The following RTEL1 variants were observed in gnomAD, a reference collection of about 807,000 sequenced individuals.
RTEL1 encodes the protein regulator of telomere length.
In RTEL1, 86 loss-of-function variants were observed where a neutral mutation model predicts 162.2. That is an observed-to-expected ratio of 0.53 (90% CI 0.45 to 0.63). The LOEUF (loss-of-function observed/expected upper bound fraction) is 0.63. Ranked by LOEUF, RTEL1 falls within the 30% of genes least tolerant of loss-of-function variation. The pLI is 0.00. For synonymous variants in RTEL1, 958 were observed against 717.9 expected, an observed-to-expected ratio of 1.33 and a Z score of -5.35; for missense variants, 1,941 against 1,750.2, an observed-to-expected ratio of 1.11 and a Z score of -1.95.
chr20:63,692,789 G>T lies in RTEL1; in HGVS notation c.2653-16G>T, dbSNP rs1197204298. 2 of 1,606,288 alleles carry T rather than the reference G, an allele frequency of 1.2e-6. No homozygotes were observed. Among genetic ancestry groups the T allele is most frequent in the Non-Finnish European group, 1.7e-6 (2 of 1,175,298 alleles). ...TGAGGCTGGCCCTGATGGAGCCTCGGGCCTGTGTCCTGCAGGAGGAGCCCG... is the reference window on the plus strand; with the variant it reads ...TGAGGCTGGCCCTGATGGAGCCTCGTGCCTGTGTCCTGCAGGAGGAGCCCG... On this transcript the variant is annotated splice_polypyrimidine_tract_variant and intron_variant, in intron 28 of 34. Coordinates refer to ENST00000360203, the MANE Select transcript of RTEL1 (RefSeq NM_001283009.2).
At chr20:63,662,949 A>G (rs2090050701) in intron 6 of RTEL1, 60 bp downstream of exon 6, 3 of 1,513,532 alleles carry the variant, frequency 2.0e-6, no homozygotes, top group Admixed American at 1.7e-5. Flanking sequence ...CTCAGGGTGG[A>G]GCTCAGTGGT....
In RTEL1 at chr20:63,685,602, G is replaced by A; in HGVS notation, c.1266+5G>A. The A allele has an allele frequency of 6.2e-7, 1 of 1,609,868 alleles. No homozygotes were observed. ...GGGGCCTTACAGTCCTATAAGGTAG[G>A]GGCCACCTCCAGGAGGCAGGTGGAG... On this transcript the variant is annotated splice_donor_5th_base_variant and intron_variant, in intron 15 of 34. Transcript: ENST00000360203.
rs1337883716 is a variant in RTEL1 at position 63,661,993 on chromosome 20, T to C, written c.395+50T>C. Reference sequence around the variant, plus strand: ...TCTCGGGGTCCTCAAGAGAACCAGCTTGGCATGGTGCTGAGTCCACAGCCC... The same window carrying C: ...TCTCGGGGTCCTCAAGAGAACCAGCCTGGCATGGTGCTGAGTCCACAGCCC... On this transcript the variant is annotated intron_variant, in intron 4 of 34. Coordinates refer to ENST00000360203, the MANE Select transcript of RTEL1 (RefSeq NM_001283009.2). This position sits in a 1 kb window ranked among gnomAD's most constrained non-coding sequence, Gnocchi z 5.1. 2.9e-6 allele frequency: 4 copies of C among 1,393,878 alleles called. No homozygotes were observed. The highest frequency in any genetic ancestry group is 4.1e-6 in the Non-Finnish European group (4 of 980,262). 86.3% of individuals were successfully genotyped at this position (1,393,878 alleles called of 1,614,324 possible).
intron 14 of RTEL1, among the ~76,000 whole-genome samples, chr20:63,683,739 T>C (rs2090526703): frequency 6.6e-6 from 1 of 152,154 alleles, no homozygotes; most frequent in Non-Finnish European, 1.5e-5. Context: ...GGGCTTTGCG[T>C]TCCTGTTCTG....
intron 6 of RTEL1, 163 bp downstream of exon 6, chr20:63,663,052 T>G: frequency 2.9e-6 from 2 of 679,838 alleles, no homozygotes; most frequent in South Asian, 3.2e-5. Flanking sequence ...ATGTTAGACT[T>G]CTGTGTGGAA....
chr20:63,659,561 G>C, intron 2 of RTEL1, 57 bp downstream of exon 2: 1 of 1,333,080 alleles, frequency 7.5e-7, no homozygotes. Context: ...AGCCAGGACG[G>C]GGTGTGCTTC....
intron 28 of RTEL1, chr20:63,692,502 G>C (rs952120969): frequency 1.1e-5 from 5 of 466,992 alleles, no homozygotes; most frequent in Non-Finnish European, 2.0e-5. Flanking sequence ...GCTTGAGGGA[G>C]GAGGAGAGAG....
intron 28 of RTEL1, chr20:63,692,186 C>T (rs189025797): frequency 2.0e-4 from 49 of 243,974 alleles, no homozygotes; most frequent in East Asian, 1.6e-3. Context: ...GAGTTATAGC[C>T]GGAGCCAGGA....
intron 11 of RTEL1, 24 bp from the exon 12 acceptor site, chr20:63,678,244 G>A (rs2090397505): frequency 6.2e-7 from 1 of 1,612,652 alleles, no homozygotes; most frequent in Non-Finnish European, 8.5e-7. Flanking sequence ...GCGAGGAGGT[G>A]GGTGACACCT....
intron 32 of RTEL1, 42 bp downstream of exon 32, chr20:63,695,016 G>A (rs1362164938): frequency 1.2e-6 from 2 of 1,609,922 alleles, no homozygotes; most frequent in Non-Finnish European, 1.7e-6. Flanking sequence ...GGGGTGGGGG[G>A]CAGGGGACAA....
At chr20:63,681,836 G>C in intron 14 of RTEL1, 1 of 985,370 alleles carries the variant, frequency 1.0e-6, no homozygotes, top group Non-Finnish European at 1.2e-6. Flanking sequence ...GCACTGCCTT[G>C]TCCTCCCAAC....
chr20:63,688,850 C>T lies in RTEL1; in HGVS notation c.1801-205C>T, dbSNP rs1052580751. 5 of 655,212 alleles carry T rather than the reference C, an allele frequency of 7.6e-6. No individual in the cohort carries two copies. In the East Asian group the frequency reaches 1.3e-4, roughly 18 times the overall value. 40.6% of individuals were successfully genotyped at this position (655,212 alleles called of 1,614,324 possible). A position where few individuals can be genotyped will look rare whatever the true frequency, so the allele number is the denominator to read the frequency against. Reference sequence around the variant, plus strand: ...GTAGCCCTAGTCGGCCACCCTGGCCCTGGGGTTCCCCGTGTTTTCTGGGAA... The same window carrying T: ...GTAGCCCTAGTCGGCCACCCTGGCCTTGGGGTTCCCCGTGTTTTCTGGGAA... On this transcript the variant is annotated intron_variant, in intron 21 of 34. Transcript: ENST00000360203.
At chr20:63,680,573 G>T (rs989299358) in intron 13 of RTEL1, 91 bp from the exon 14 acceptor site, 1 of 1,381,144 alleles carries the variant, frequency 7.2e-7, no homozygotes, top group Non-Finnish European at 1.0e-6. Context: ...CTTGGCAGTC[G>T]GGCTGAGCGG....
intron 31 of RTEL1, 69 bp downstream of exon 31, chr20:63,694,557 T>G: frequency 7.3e-7 from 1 of 1,371,042 alleles, no homozygotes; most frequent in Non-Finnish European, 1.0e-6. Flanking sequence ...CGAGGCTAAC[T>G]CTTGAGTGTG....
intron 15 of RTEL1, 27 bp from the exon 16 acceptor site, chr20:63,685,764 C>G: frequency 6.2e-7 from 1 of 1,608,154 alleles, no homozygotes; most frequent in Non-Finnish European, 8.5e-7. Flanking sequence ...GGCGGGGCCT[C>G]CACACTCCTG....
At position 63,661,613 on chromosome 20, in the gene RTEL1, AGAATTTTTTAGC is replaced by A; in HGVS notation, c.301+118_301+129del. On this transcript the variant is annotated intron_variant, in intron 3 of 34. Transcript: ENST00000360203. The surrounding 1 kb of genome is among the most constrained non-coding windows in gnomAD (Gnocchi z 5.1). ...GCCGTCTCTCAAGCAGAACTCAAGG[AGAATTTTTTAGC>A]TGCTGTATAATTTCTCGCCATCGTG... 9.0e-7 allele frequency: 1 copy of A among 1,114,070 alleles called. No homozygotes were observed. Among genetic ancestry groups the A allele is most frequent in the East Asian group, 2.6e-5 (1 of 38,654 alleles). 69.0% of individuals were successfully genotyped at this position (1,114,070 alleles called of 1,614,324 possible).
chr20:63,670,719 C>T (rs563106501), intron 8 of RTEL1, among the ~76,000 whole-genome samples: 2 of 152,028 alleles, frequency 1.3e-5, no homozygotes, highest in Admixed American at 1.3e-4. Flanking sequence ...CTCAGTGGCT[C>T]ACGCCTGTAA....
chr20:63,683,173 C>G (rs1224613426), intron 14 of RTEL1, among the ~76,000 whole-genome samples: 2 of 152,136 alleles, frequency 1.3e-5, no homozygotes, highest in African/African-American at 2.4e-5. Flanking sequence ...GCCATGTTTC[C>G]CAGGCTGGTC....
chr20:63,688,836 C>T (rs989257762), intron 21 of RTEL1: 45 of 639,116 alleles, frequency 7.0e-5, no homozygotes, highest in African/African-American at 4.9e-4. Flanking sequence ...TAGCCCTAGT[C>T]GGCCACCCTG....
Sources: allele counts gnomAD v4.1 joint callset (sites outside exome capture counted in the v4.1 genomes callset), GRCh38; gene constraint gnomAD v4.1.1; non-coding constraint Gnocchi (gnomAD v3.1); transcripts MANE v1.5; gene names NCBI Gene and HGNC (gene_info 2026-07-23, HGNC 2026-07-21).